PPARGC1A: variants seen among roughly 807,000 people sequenced by gnomAD.
The protein encoded by PPARGC1A is peroxisome proliferator-activated receptor gamma coactivator 1-alpha.
In PPARGC1A, 25 loss-of-function variants were observed where a neutral mutation model predicts 88.7. The observed-to-expected ratio is 0.28, with a 90% CI of 0.21 to 0.39. The LOEUF (loss-of-function observed/expected upper bound fraction) is 0.39, where lower values mean the gene tolerates loss of function less well. Ranked by LOEUF, PPARGC1A falls within the 10% of genes least tolerant of loss-of-function variation. The probability of loss-of-function intolerance (pLI) is 1.00; values close to 1 mark genes in which losing one functional copy is unlikely to be tolerated. For missense variants in PPARGC1A, 880 were observed against 968.7 expected, an observed-to-expected ratio of 0.91 and a Z score of 1.22; for synonymous variants, 363 against 355.6, an observed-to-expected ratio of 1.02 and a Z score of -0.24.
the PPARGC1A span, among the ~76,000 whole-genome samples, chr4:24,383,439 A>T: frequency 6.6e-6 from 1 of 152,162 alleles, no homozygotes; most frequent in African/African-American, 2.4e-5. Context: ...GAGCTAAAGG[A>T]GCATGTTCTA....
the PPARGC1A span, among the ~76,000 whole-genome samples, chr4:24,095,227 C>A: frequency 1.6e-4 from 24 of 150,502 alleles, no homozygotes; most frequent in African/African-American, 5.6e-4. Flanking sequence ...AAGCAATTCT[C>A]CTGCCTCAGC....
chr4:24,025,253 G>A, the PPARGC1A span, among the ~76,000 whole-genome samples: 1 of 152,184 alleles, frequency 6.6e-6, no homozygotes, highest in Non-Finnish European at 1.5e-5. Context: ...CTGGGAGCAT[G>A]AGGAAAGAGA....
At chr4:24,272,753 G>C in the PPARGC1A span, among the ~76,000 whole-genome samples, 1 of 152,114 alleles carries the variant, frequency 6.6e-6, no homozygotes, top group Non-Finnish European at 1.5e-5. Context: ...GAACAGACCA[G>C]ACTGCTAATT....
the PPARGC1A span, among the ~76,000 whole-genome samples, chr4:24,050,892 TAAAGA>T: frequency 2.6e-5 from 4 of 152,032 alleles, no homozygotes; most frequent in Non-Finnish European, 5.9e-5. Context: ...TCCCAAGGCC[TAAAGA>T]AAGGTCTGGG....
chr4:24,168,942 T>G, the PPARGC1A span, among the ~76,000 whole-genome samples: 1 of 152,186 alleles, frequency 6.6e-6, no homozygotes, highest in African/African-American at 2.4e-5. Context: ...ATGAGACCTG[T>G]GCATAGTGAC....
chr4:24,462,758 C>T, the PPARGC1A span, among the ~76,000 whole-genome samples: 3 of 149,686 alleles, frequency 2.0e-5, no homozygotes, highest in African/African-American at 4.9e-5. Flanking sequence ...ATGGACCGGG[C>T]GGTCTGCTCA....
At chr4:24,203,603 GAAGT>G in the PPARGC1A span, among the ~76,000 whole-genome samples, 1 of 152,280 alleles carries the variant, frequency 6.6e-6, no homozygotes, top group Admixed American at 6.5e-5. Flanking sequence ...AAAGAATAAA[GAAGT>G]ATTTATGAGT....
chr4:24,029,792 T>A, the PPARGC1A span, among the ~76,000 whole-genome samples: 2 of 151,382 alleles, frequency 1.3e-5, no homozygotes, highest in African/African-American at 2.4e-5. Context: ...GAAAAAAAAA[T>A]ATAATACGAT....
chr4:24,203,627 A>G, the PPARGC1A span, among the ~76,000 whole-genome samples: 1 of 152,266 alleles, frequency 6.6e-6, no homozygotes, highest in Non-Finnish European at 1.5e-5. Context: ...TTCATCTTTC[A>G]AATGCAAAGG....
intron 2 of PPARGC1A, among the ~76,000 whole-genome samples, chr4:23,832,812 A>T (rs1423952935): frequency 6.6e-6 from 1 of 151,706 alleles, no homozygotes; most frequent in Non-Finnish European, 1.5e-5. Flanking sequence ...GGGTTTCACC[A>T]TGTTAGCCAG....
chr4:24,280,402 T>G, the PPARGC1A span, among the ~76,000 whole-genome samples: 1 of 152,222 alleles, frequency 6.6e-6, no homozygotes, highest in Non-Finnish European at 1.5e-5. Flanking sequence ...AAATATGCTG[T>G]GACCTGCTTC....
At chr4:24,176,783 A>G in the PPARGC1A span, among the ~76,000 whole-genome samples, 1 of 152,170 alleles carries the variant, frequency 6.6e-6, no homozygotes, top group African/African-American at 2.4e-5. Flanking sequence ...CAGAGCCTAA[A>G]GAGAAAGGTC....
the PPARGC1A span, among the ~76,000 whole-genome samples, chr4:23,993,308 C>T: frequency 1.3e-5 from 2 of 151,860 alleles, no homozygotes; most frequent in African/African-American, 4.8e-5. Flanking sequence ...AATGACGGAA[C>T]AGAAAAGTAG....
the PPARGC1A span, among the ~76,000 whole-genome samples, chr4:24,333,608 T>C: frequency 1.3e-5 from 2 of 152,148 alleles, no homozygotes; most frequent in African/African-American, 4.8e-5. Context: ...CTGTGGTTTA[T>C]AGTATAGAGC....
chr4:23,801,971 G>T, intron 11 of PPARGC1A, 90 bp from the exon 12 acceptor site: 1 of 1,478,172 alleles, frequency 6.8e-7, no homozygotes, highest in Non-Finnish European at 9.3e-7. Context: ...CTTCTCCAGT[G>T]CCAACGTCTG....
chr4:24,222,020 C>T, the PPARGC1A span, among the ~76,000 whole-genome samples: 14 of 151,946 alleles, frequency 9.2e-5, 1 homozygote, highest in African/African-American at 2.9e-4. Flanking sequence ...CCATTGATAA[C>T]ACACTGGGGG....
the PPARGC1A span, among the ~76,000 whole-genome samples, chr4:24,122,382 CGTAT>C: frequency 3.4e-3 from 241 of 69,900 alleles, 2 homozygotes; most frequent in South Asian, 0.017. Flanking sequence ...TGTGTGTATG[CGTAT>C]GTGTGTGTGT....
chr4:24,146,219 CAA>C, the PPARGC1A span, among the ~76,000 whole-genome samples: 1 of 152,190 alleles, frequency 6.6e-6, no homozygotes, highest in Non-Finnish European at 1.5e-5. Flanking sequence ...TCCATTAAAA[CAA>C]GAGTTTAATG....
At chr4:24,134,895 G>A in the PPARGC1A span, among the ~76,000 whole-genome samples, 1 of 152,130 alleles carries the variant, frequency 6.6e-6, no homozygotes, top group African/African-American at 2.4e-5. Flanking sequence ...GTCAAAAGTG[G>A]ACAAAGAAAA....
Sources: allele counts gnomAD v4.1 joint callset (sites outside exome capture counted in the v4.1 genomes callset), GRCh38; gene constraint gnomAD v4.1.1; transcripts MANE v1.5; gene names NCBI Gene and HGNC (gene_info 2026-07-23, HGNC 2026-07-21).